The following AKAP6 variants were observed in gnomAD, a reference collection of about 807,000 sequenced individuals.
AKAP6 encodes A-kinase anchoring protein 6.
Under a neutral mutation model 188.5 loss-of-function variants are expected in AKAP6, and 58 were observed. That is an observed-to-expected ratio of 0.31 (90% CI 0.25 to 0.38). The LOEUF is 0.38. Among genes scored for constraint, AKAP6 ranks in the 10% least tolerant of loss-of-function variants. AKAP6 has a pLI of 1.00. For synonymous variants in AKAP6, 989 were observed against 998.6 expected, an observed-to-expected ratio of 0.99 and a Z score of 0.18; for missense variants, 2,710 against 2,740.0, an observed-to-expected ratio of 0.99 and a Z score of 0.24.
rs1360900400 is a variant in AKAP6, at chr14:32,560,251, GC to G, written c.2346+13254del. Among the ~76,000 whole-genome samples, 3 of 152,030 alleles carry G rather than the reference GC, an allele frequency of 2.0e-5. No homozygotes were observed. The East Asian group carries it at 5.8e-4, about 29-fold the overall frequency. On this transcript the variant is annotated intron_variant, in intron 4 of 13. Transcript: ENST00000280979. Reference sequence around the variant, plus strand: ...TTGTGTATATTTTATTTGTTGCAATGCCAGGACAAAAACTGTATATTAACAT... The same window carrying G: ...TTGTGTATATTTTATTTGTTGCAATGCAGGACAAAAACTGTATATTAACAT...
In AKAP6 at chr14:32,695,283, A is replaced by C. The variant is rs1890356874; in HGVS notation, c.2880-707A>C. Among the ~76,000 whole-genome samples, 4 of 152,158 alleles carry C rather than the reference A, an allele frequency of 2.6e-5. No homozygotes were observed. The South Asian group carries it at 8.3e-4, about 32-fold the overall frequency. On this transcript the variant is annotated intron_variant, in intron 8 of 13. Transcript: ENST00000280979. ...ATCTGCCACTGGTTCTCACTGGCTTACCAGAGTCACTCAAGCCTATCTCTG... is the reference window on the plus strand; with the variant it reads ...ATCTGCCACTGGTTCTCACTGGCTTCCCAGAGTCACTCAAGCCTATCTCTG...
intron 12 of AKAP6, among the ~76,000 whole-genome samples, chr14:32,816,530 A>AGGAATTT (rs1253606081): frequency 6.6e-6 from 1 of 152,064 alleles, no homozygotes; most frequent in African/African-American, 2.4e-5. Flanking sequence ...ATTTCTACCT[A>AGGAATTT]AGTCTAATTT....
At chr14:32,449,611 A>G (rs1235546333) in intron 2 of AKAP6, among the ~76,000 whole-genome samples, 1 of 152,114 alleles carries the variant, frequency 6.6e-6, no homozygotes, top group African/African-American at 2.4e-5. Flanking sequence ...TGGTCCCATA[A>G]AGAGGGAAGG....
intron 7 of AKAP6, among the ~76,000 whole-genome samples, chr14:32,639,022 T>A (rs923578190): frequency 5.9e-5 from 9 of 152,080 alleles, no homozygotes; most frequent in African/African-American, 2.2e-4. Flanking sequence ...TTTCAAAATC[T>A]AGGTGACTTC....
chr14:32,680,209 G>A (rs1188122308), intron 8 of AKAP6, among the ~76,000 whole-genome samples: 2 of 152,178 alleles, frequency 1.3e-5, no homozygotes, highest in South Asian at 2.1e-4. Flanking sequence ...GCTGAAGGCT[G>A]TGCATTGTGC....
rs76798482 is a variant in AKAP6, at chr14:32,539,478, T to C, written c.576+3673T>C. ...GTTAGTTCCAGATTATATTCATCTG[T>C]GTATCTCCCACAGCACATAGTTCAT... On this transcript the variant is annotated intron_variant, in intron 3 of 13. Transcript: ENST00000280979. Among the ~76,000 whole-genome samples the C allele has an allele frequency of 5.4e-3, 820 of 152,232 alleles. 7 individuals are homozygous for C. The highest frequency in any genetic ancestry group is 0.017 in the African/African-American group (727 of 41,548).
intron 1 of AKAP6, among the ~76,000 whole-genome samples, chr14:32,406,743 GGCC>G (rs1393386406): frequency 6.6e-6 from 1 of 152,024 alleles, no homozygotes; most frequent in East Asian, 1.9e-4. Context: ...TGAATCTAGG[GGCC>G]GCAGGAAGGC....
chr14:32,704,885 G>A (rs942777253), intron 9 of AKAP6, among the ~76,000 whole-genome samples: 12 of 152,028 alleles, frequency 7.9e-5, no homozygotes, highest in Non-Finnish European at 1.6e-4. Context: ...TTTTATCATC[G>A]TTCTAGTTTT....
intron 9 of AKAP6, among the ~76,000 whole-genome samples, chr14:32,723,010 G>A (rs781530209): frequency 6.6e-6 from 1 of 152,174 alleles, no homozygotes; most frequent in Non-Finnish European, 1.5e-5. Flanking sequence ...GCGGGCCAGT[G>A]CAGTGTTTTT....
intron 2 of AKAP6, among the ~76,000 whole-genome samples, chr14:32,527,837 T>C (rs1348374508): frequency 6.6e-6 from 1 of 152,222 alleles, no homozygotes. Context: ...GACTTCTTTA[T>C]ATATTTTGAA....
rs566460597 is a variant in AKAP6 at position 32,555,300 on chromosome 14, A to G, written c.2346+8301A>G. ...GTTAGTACCTGTGTATAATGAAGGT[A>G]GAGAAGTTTTTCCCCCGAGATTAAC... On this transcript the variant is annotated intron_variant, in intron 4 of 13. Coordinates refer to ENST00000280979, the MANE Select transcript of AKAP6 (RefSeq NM_004274.5). Among the ~76,000 whole-genome samples the G allele has an allele frequency of 2.7e-5, 4 of 150,110 alleles. No homozygotes were observed. In the East Asian group the frequency reaches 7.8e-4, roughly 29 times the overall value.
intron 4 of AKAP6, among the ~76,000 whole-genome samples, chr14:32,570,177 C>T (rs531711061): frequency 9.0e-5 from 11 of 122,272 alleles, no homozygotes; most frequent in Admixed American, 2.3e-4. Context: ...TGTCACCAAA[C>T]CGGAGTGCAG....
rs1276609263 is a variant in AKAP6, at chr14:32,546,777, A to G, written c.2124A>G (p.Leu708=). The change falls in exon 4 of 14, where the codon CTA becomes CTG. Residue 708 remains leucine, a synonymous_variant. Transcript: ENST00000280979. ...CATCTAGTGACATAGCCTCTTCACTAGGGGAGAGCATTGAATCTGGGCCCC... is the reference window on the plus strand; with the variant it reads ...CATCTAGTGACATAGCCTCTTCACTGGGGGAGAGCATTGAATCTGGGCCCC... ...PSSSSDIASS[L]GESIESGPLS... is the part of the protein sequence containing the mutation. 3 of 1,614,044 alleles carry G rather than the reference A, an allele frequency of 1.9e-6. No individual in the cohort carries two copies. In the Admixed American group the frequency reaches 5.0e-5, roughly 27 times the overall value.
chr14:32,474,189 T>TG (rs1878934274), intron 2 of AKAP6: 2 of 152,220 alleles, frequency 1.3e-5, no homozygotes, highest in Admixed American at 1.3e-4. Flanking sequence ...TGAGCCACGG[T>TG]GCCCAGCCCA....
intron 12 of AKAP6, among the ~76,000 whole-genome samples, chr14:32,814,417 G>A (rs948882813): frequency 5.3e-5 from 8 of 151,988 alleles, no homozygotes; most frequent in African/African-American, 9.7e-5. Context: ...CTTCCTCCCC[G>A]CCCGCAGGCC....
intron 2 of AKAP6, among the ~76,000 whole-genome samples, chr14:32,486,926 C>T (rs559890297): frequency 7.9e-5 from 12 of 152,118 alleles, no homozygotes; most frequent in Non-Finnish European, 1.6e-4. Flanking sequence ...CAGCTTTTGC[C>T]CATTCGGTAT....
intron 7 of AKAP6, among the ~76,000 whole-genome samples, chr14:32,631,594 A>G (rs1311182597): frequency 6.6e-6 from 1 of 152,066 alleles, no homozygotes; most frequent in African/African-American, 2.4e-5. Context: ...TTCTATTTAT[A>G]TTCTTCCAGT....
chr14:32,456,915 G>A (rs1369118847), intron 2 of AKAP6, among the ~76,000 whole-genome samples: 1 of 152,180 alleles, frequency 6.6e-6, no homozygotes, highest in African/African-American at 2.4e-5. Context: ...TTATGATGTT[G>A]AAATAAATGG....
Position 32,822,695 on chromosome 14 carries a change from C to G in AKAP6, c.4882C>G (p.Leu1628Val), listed in dbSNP as rs2034561544. 6.2e-7 allele frequency: 1 copy of G among 1,613,808 alleles called. No individual in the cohort carries two copies. The highest frequency in any genetic ancestry group is 1.3e-5 in the African/African-American group (1 of 74,892). The part of the protein sequence containing the change: ...ISVSSGSVGE[L>V]SKRTLDLLNR... ...CGTGAGCAGTGGCTCAGTTGGTGAA[C>G]TAAGTAAAAGAACATTAGATCTCCT... is the stretch of plus-strand genomic sequence containing the variant. Residue 1628 changes from leucine (L) to valine (V), a missense_variant, in exon 13 of 14, where the codon CTA becomes GTA. Leu to Val is a conservative substitution (Grantham distance 32). Transcript: ENST00000280979.
Sources: gnomAD v4.1 joint callset for allele counts (sites outside exome capture counted in the v4.1 genomes callset) on GRCh38, gnomAD v4.1.1 for gene constraint, MANE v1.5 for transcripts, NCBI Gene and HGNC (gene_info 2026-07-23, HGNC 2026-07-21) for gene names.